Variants in SEZ6L observed in about 807,000 individuals in gnomAD.
SEZ6L encodes the protein seizure related 6 homolog like.
In SEZ6L, 37 loss-of-function variants were observed where a neutral mutation model predicts 106.2. The observed-to-expected ratio is 0.35, with a 90% CI of 0.27 to 0.46. SEZ6L has a LOEUF of 0.46. Ranked by LOEUF, SEZ6L falls within the 20% of genes least tolerant of loss-of-function variation. SEZ6L has a pLI of 1.00. For missense variants in SEZ6L, 1,172 were observed against 1,332.8 expected (o/e 0.88, Z 1.88); for synonymous variants, 541 against 570.4 (o/e 0.95, Z 0.73).
intron 1 of SEZ6L, among the ~76,000 whole-genome samples, chr22:26,232,301 C>A (rs1448586063): frequency 6.6e-6 from 1 of 151,352 alleles, no homozygotes; most frequent in Non-Finnish European, 1.5e-5. Context: ...ACTCTGAGGA[C>A]CCTCCTGCCC....
intron 9 of SEZ6L, among the ~76,000 whole-genome samples, chr22:26,328,191 T>C (rs1308407034): frequency 2.6e-5 from 4 of 152,218 alleles, no homozygotes; most frequent in Admixed American, 2.6e-4. Context: ...AAGCCTCTTG[T>C]CCAGTCACAG....
chr22:26,254,612 T>C (rs1054454464), intron 1 of SEZ6L, among the ~76,000 whole-genome samples: 1 of 152,168 alleles, frequency 6.6e-6, no homozygotes, highest in African/African-American at 2.4e-5. Context: ...AATGAGATCC[T>C]GTCTTTAAAA....
At chr22:26,310,952 A>G (rs2081808905) in intron 7 of SEZ6L, 116 bp downstream of exon 7, 2 of 1,010,904 alleles carry the variant, frequency 2.0e-6, no homozygotes, top group South Asian at 3.1e-5. Flanking sequence ...TCCCATGGCC[A>G]TGTGGATCCT....
At chr22:26,331,230 T>G (rs1013897051) in intron 9 of SEZ6L, among the ~76,000 whole-genome samples, 1 of 152,334 alleles carries the variant, frequency 6.6e-6, no homozygotes, top group South Asian at 2.1e-4. Context: ...CAGAGATGGG[T>G]TCGCTGGTCT....
At chr22:26,304,297 A>C (rs2081542499) in intron 5 of SEZ6L, among the ~76,000 whole-genome samples, 1 of 151,000 alleles carries the variant, frequency 6.6e-6, no homozygotes. Flanking sequence ...GGTTGCAGTG[A>C]GCTGAGATCG....
chr22:26,317,092 G>T (rs563040067), intron 9 of SEZ6L, among the ~76,000 whole-genome samples: 22 of 152,082 alleles, frequency 1.4e-4, no homozygotes, highest in Admixed American at 1.4e-3. Context: ...GTTTAATGTG[G>T]CTGGAGCAAA....
chr22:26,377,707 A>T lies in SEZ6L; in HGVS notation c.2977A>T (p.Met993Leu). ...CTATTCCAACCTCCGCCTGCCTCTGATGTACTCCCACCCCTACAGCCAGAT... is the reference window on the plus strand; with the variant it reads ...CTATTCCAACCTCCGCCTGCCTCTGTTGTACTCCCACCCCTACAGCCAGAT... Reference protein sequence around the residue: ...RYYSNLRLPLMYSHPYSQITV... With the variant: ...RYYSNLRLPLLYSHPYSQITV... Residue 993 changes from methionine to leucine, a missense_variant, in exon 16 of 17, where the codon ATG (methionine) becomes TTG (leucine). Physicochemically the swap from Met to Leu is conservative, Grantham distance 15. Coordinates refer to ENST00000248933, the MANE Select transcript of SEZ6L (RefSeq NM_021115.5). The T allele has an allele frequency of 6.2e-7, 1 of 1,613,804 alleles. No homozygotes were observed. The highest frequency in any genetic ancestry group is 8.5e-7 in the Non-Finnish European group (1 of 1,179,878).
chr22:26,294,431 C>A lies in SEZ6L; in HGVS notation c.969+6C>A. 2 of 1,613,368 alleles carry A rather than the reference C, an allele frequency of 1.2e-6. No individual in the cohort carries two copies. Among genetic ancestry groups the A allele is most frequent in the Non-Finnish European group, 1.7e-6 (2 of 1,179,564 alleles). On this transcript the variant is annotated splice_donor_region_variant and intron_variant, in intron 3 of 16. Transcript: ENST00000248933. ...GCTATGGGGTGGAGCTCCAGGTAAC[C>A]CCAGGAGAGTACCTCACAGAGGCTG...
intron 1 of SEZ6L, among the ~76,000 whole-genome samples, chr22:26,286,745 C>CTT (rs137200): frequency 0.043 from 5,108 of 118,562 alleles, 139 homozygotes; most frequent in Middle Eastern, 0.075. Context: ...AGAGCTTGTG[C>CTT]TTTTTTTTTT....
chr22:26,266,625 A>G (rs1030191277), intron 1 of SEZ6L, among the ~76,000 whole-genome samples: 1 of 151,474 alleles, frequency 6.6e-6, no homozygotes, highest in Non-Finnish European at 1.5e-5. Context: ...AAATAGCAAC[A>G]TATTAGGAGC....
chr22:26,293,000 A>G lies in SEZ6L; in HGVS notation c.689A>G (p.Gln230Arg), dbSNP rs751774206. The G allele has an allele frequency of 6.2e-7, 1 of 1,614,112 alleles. No homozygotes were observed. The highest frequency in any genetic ancestry group is 8.5e-7 in the Non-Finnish European group (1 of 1,179,984). Residue 230 changes from glutamine (Q) to arginine (R), a missense_variant, in exon 2 of 17, where the codon CAG becomes CGG. By Grantham distance (43) the Gln-to-Arg change is conservative (BLOSUM62 1). Transcript: ENST00000248933. ...GGGGAGCCTGGGCCTGACATGGCCC[A>G]GGAGGCCCCCCAGGAGGACACCAGC... ...EPGEPGPDMA[Q>R]EAPQEDTSPM...
At chr22:26,304,122 G>A (rs1007144970) in intron 5 of SEZ6L, among the ~76,000 whole-genome samples, 1 of 152,050 alleles carries the variant, frequency 6.6e-6, no homozygotes, top group Non-Finnish European at 1.5e-5. Flanking sequence ...GGGAGGCCAA[G>A]GCAGGTGGAT....
chr22:26,365,363 G>A lies in SEZ6L; in HGVS notation c.2600-9G>A. ...ATCTCATCAGAGCTCCTTCTGGCTTGCATTTCAGCGGAGGAGTCCCTGGCA... is the reference window on the plus strand; with the variant it reads ...ATCTCATCAGAGCTCCTTCTGGCTTACATTTCAGCGGAGGAGTCCCTGGCA... On this transcript the variant is annotated splice_polypyrimidine_tract_variant and intron_variant, in intron 12 of 16. Transcript: ENST00000248933. 6.3e-7 allele frequency: 1 copy of A among 1,597,422 alleles called. No individual in the cohort carries two copies. Among genetic ancestry groups the A allele is most frequent in the Non-Finnish European group, 8.6e-7 (1 of 1,166,302 alleles).
intron 5 of SEZ6L, among the ~76,000 whole-genome samples, chr22:26,303,536 T>C (rs2081517934): frequency 6.6e-6 from 1 of 152,206 alleles, no homozygotes; most frequent in Non-Finnish European, 1.5e-5. Flanking sequence ...TAAGAGATAC[T>C]GGAGTGAGGC....
At chr22:26,354,314 A>G (rs2083370380) in intron 12 of SEZ6L, among the ~76,000 whole-genome samples, 1 of 152,218 alleles carries the variant, frequency 6.6e-6, no homozygotes, top group African/African-American at 2.4e-5. Flanking sequence ...GGACACAGAT[A>G]CAGAGAAGGC....
chr22:26,252,006 G>C (rs2079609158), intron 1 of SEZ6L, among the ~76,000 whole-genome samples: 1 of 152,158 alleles, frequency 6.6e-6, no homozygotes, highest in African/African-American at 2.4e-5. Flanking sequence ...AGTGTTGTCT[G>C]TGAATGGCGG....
In SEZ6L at chr22:26,361,522, T is replaced by A. The variant is rs200964300; in HGVS notation, c.2600-3850T>A. ...ACTCTGTCTCAAAAAAAAAAAAAAA[T>A]ATATATATATATATATGTATTAAGT... On this transcript the variant is annotated intron_variant, in intron 12 of 16. Transcript: ENST00000248933. Among the ~76,000 whole-genome samples, 993 of 115,628 alleles carry A rather than the reference T, an allele frequency of 8.6e-3. 5 individuals are homozygous for A. Among genetic ancestry groups the A allele is most frequent in the Non-Finnish European group, 0.011 (633 of 56,590 alleles). 75.9% of individuals were successfully genotyped at this position (115,628 alleles called of 152,430 possible).
chr22:26,275,609 T>G (rs1235811232), intron 1 of SEZ6L, among the ~76,000 whole-genome samples: 7 of 152,228 alleles, frequency 4.6e-5, no homozygotes, highest in Admixed American at 3.3e-4. Flanking sequence ...GCTTTCTGAC[T>G]GTCCTAGCCC....
chr22:26,169,758 A>G lies in SEZ6L; in HGVS notation c.89A>G (p.Glu30Gly). The G allele has an allele frequency of 8.0e-7, 1 of 1,249,812 alleles. No homozygotes were observed. The highest frequency in any genetic ancestry group is 1.0e-6 in the Non-Finnish European group (1 of 997,474). The allele number at this position is 1,249,812 out of a possible 1,614,324, so 77.4% of individuals were successfully genotyped here. The change falls in exon 1 of 17, where the codon GAG becomes GGG. Residue 30 changes from glutamate (E) to glycine (G), a missense_variant. Physicochemically the swap from Glu to Gly is moderately conservative, Grantham distance 98 (BLOSUM62 -2). Coordinates refer to ENST00000248933, the MANE Select transcript of SEZ6L (RefSeq NM_021115.5). ...CTGGGGAGCCCGGCGGCAGCGCTGG[A>G]GCGAGGTAAGCGCCCCGAGGGGCGG... ...LLLGSPAAAL[E>G]RDALPEGDAS...
Sources: allele counts gnomAD v4.1 joint callset (sites outside exome capture counted in the v4.1 genomes callset), GRCh38; gene constraint gnomAD v4.1.1; transcripts MANE v1.5; gene names NCBI Gene and HGNC (gene_info 2026-07-23, HGNC 2026-07-21).